The following MAP6 variants were observed in gnomAD, a reference collection of about 807,000 sequenced individuals.
MAP6 encodes microtubule associated protein 6.
MAP6 carries 26 observed loss-of-function variants against 42.4 expected under a neutral mutation model. The ratio of observed to expected loss-of-function variants is 0.61; its 90% CI spans 0.45 to 0.85. The LOEUF is 0.85. MAP6 is among the 40% of genes least tolerant of loss of function. MAP6 has a pLI of 0.00. For missense variants in MAP6, 966 were observed against 1,099.0 expected (o/e 0.88, Z 1.71); for synonymous variants, 418 against 443.8 (o/e 0.94, Z 0.73).
At chr11:75,655,431 GGTCCATATGATT>G (rs1357937138) in intron 1 of MAP6, among the ~76,000 whole-genome samples, 1 of 152,208 alleles carries the variant, frequency 6.6e-6, no homozygotes, top group African/African-American at 2.4e-5. Flanking sequence ...CACCTGCTGA[GGTCCATATGATT>G]TTAACGTGCA....
intron 3 of MAP6, chr11:75,604,155 G>C: frequency 1.0e-6 from 1 of 985,894 alleles, no homozygotes. Context: ...GAAGGTCGCA[G>C]TGGGCCTGAT....
intron 1 of MAP6, among the ~76,000 whole-genome samples, chr11:75,649,320 G>T (rs1943610966): frequency 6.6e-6 from 1 of 152,110 alleles, no homozygotes; most frequent in African/African-American, 2.4e-5. Context: ...CACAGTGTAG[G>T]ATGCCATGTC....
chr11:75,604,884 C>T (rs552199446), intron 3 of MAP6: 13 of 985,478 alleles, frequency 1.3e-5, no homozygotes, highest in Middle Eastern at 5.2e-4. Flanking sequence ...GAGTAAACAT[C>T]GCCACACTTG....
chr11:75,587,475 C>T lies in MAP6; in HGVS notation c.2026G>A (p.Val676Ile). Residue 676 changes from valine to isoleucine, a missense_variant, in exon 4 of 4, where the codon GTC (valine) becomes ATC (isoleucine). Coordinates refer to ENST00000304771, the MANE Select transcript of MAP6 (RefSeq NM_033063.2). ...TCTTGATCCTTGACTGGCCCTGAGACCACTAAACCTTGATTCTTTACAGGC... is the reference window on the plus strand; with the variant it reads ...TCTTGATCCTTGACTGGCCCTGAGATCACTAAACCTTGATTCTTTACAGGC... ...SEPVKNQGLV[V>I]SGPVKDQDVV... is the part of the protein sequence containing the mutation. The T allele has an allele frequency of 6.2e-7, 1 of 1,614,088 alleles. No homozygotes were observed. The highest frequency in any genetic ancestry group is 8.5e-7 in the Non-Finnish European group (1 of 1,179,998).
intron 1 of MAP6, among the ~76,000 whole-genome samples, chr11:75,631,440 ATTGCCCT>A (rs1050929224): frequency 3.3e-5 from 5 of 151,752 alleles, no homozygotes; most frequent in African/African-American, 1.2e-4. Flanking sequence ...TTTTTTCTTA[ATTGCCCT>A]TTGCCCTTTG....
At chr11:75,647,928 T>G (rs1943588889) in intron 1 of MAP6, among the ~76,000 whole-genome samples, 1 of 152,124 alleles carries the variant, frequency 6.6e-6, no homozygotes. Flanking sequence ...GACAAATAAG[T>G]GTGGCATTTT....
At position 75,595,144 on chromosome 11, in the gene MAP6, G is replaced by A. The variant is rs1018841523; in HGVS notation, c.1317-6960C>T. Among the ~76,000 whole-genome samples, 4 of 152,214 alleles carry A rather than the reference G, an allele frequency of 2.6e-5. No individual in the cohort carries two copies. The East Asian group carries it at 5.8e-4, about 22-fold the overall frequency. On this transcript the variant is annotated intron_variant, in intron 3 of 3. Transcript: ENST00000304771. ...GCAGGTGGCTGCCCAGCCGCTGCTC[G>A]CACTGCCTGGGGTGGGCTGCACATG...
intron 1 of MAP6, among the ~76,000 whole-genome samples, chr11:75,627,648 A>G (rs1167990740): frequency 6.6e-6 from 1 of 152,110 alleles, no homozygotes; most frequent in African/African-American, 2.4e-5. Flanking sequence ...TGGTTCCAGA[A>G]ACTGTATGAG....
At chr11:75,592,011 T>C (rs1942484712) in intron 3 of MAP6, among the ~76,000 whole-genome samples, 1 of 152,270 alleles carries the variant, frequency 6.6e-6, no homozygotes, top group Non-Finnish European at 1.5e-5. Context: ...TGTTGCCTTA[T>C]GTCATTCAAC....
chr11:75,648,767 T>C (rs1221606840), intron 1 of MAP6, among the ~76,000 whole-genome samples: 1 of 151,896 alleles, frequency 6.6e-6, no homozygotes, highest in Admixed American at 6.6e-5. Flanking sequence ...AATAGGACAA[T>C]GGGAAAGGGT....
Position 75,587,186 on chromosome 11 carries a change from C to A in MAP6, c.2315G>T (p.Gly772Val). ...PLVPVPAKDQ[G>V]PAVPEPLKTQ... The stretch of plus-strand genomic sequence containing the variant: ...CTTCAGAGGTTCAGGGACTGCAGGA[C>A]CTTGGTCCTTTGCTGGTACTGGCAC... Residue 772 changes from glycine (G) to valine (V), a missense_variant, in exon 4 of 4, where the codon GGT (glycine) becomes GTT (valine). Physicochemically the swap from Gly to Val is moderately radical, Grantham distance 109. Around this residue, in one of 2 missense-constraint regions of MAP6, gnomAD observed 943 missense variants for 1,049.9 expected, o/e 0.90. Transcript: ENST00000304771. 1 of 1,614,104 alleles carries A rather than the reference C, an allele frequency of 6.2e-7. No homozygotes were observed.
At chr11:75,599,782 G>T (rs12576901) in intron 3 of MAP6, among the ~76,000 whole-genome samples, 2,223 of 152,272 alleles carry the variant, frequency 0.015, 67 homozygotes, top group East Asian at 0.13. Flanking sequence ...TAGACAGCAG[G>T]CTATGGAGCT....
intron 1 of MAP6, among the ~76,000 whole-genome samples, chr11:75,662,782 G>A (rs1003525180): frequency 3.3e-5 from 5 of 152,158 alleles, no homozygotes; most frequent in African/African-American, 4.8e-5. Flanking sequence ...AATGAAATCA[G>A]ATTTTCTAGG....
At chr11:75,662,960 T>A (rs1318011681) in intron 1 of MAP6, among the ~76,000 whole-genome samples, 1 of 142,834 alleles carries the variant, frequency 7.0e-6, no homozygotes, top group Non-Finnish European at 1.5e-5. Context: ...GTAGGATTTG[T>A]ACTTTTTTTT....
At chr11:75,659,717 T>C (rs1038678416) in intron 1 of MAP6, among the ~76,000 whole-genome samples, 2 of 152,240 alleles carry the variant, frequency 1.3e-5, no homozygotes, top group African/African-American at 2.4e-5. Flanking sequence ...TTTACATTAA[T>C]ACAGTTGACA....
chr11:75,663,496 AT>A (rs1943891418), intron 1 of MAP6, among the ~76,000 whole-genome samples: 1 of 152,218 alleles, frequency 6.6e-6, no homozygotes, highest in African/African-American at 2.4e-5. Flanking sequence ...CAACAAATCT[AT>A]ATGGCACCTA....
At chr11:75,641,803 T>C (rs1249142718) in intron 1 of MAP6, among the ~76,000 whole-genome samples, 1 of 152,218 alleles carries the variant, frequency 6.6e-6, no homozygotes, top group Non-Finnish European at 1.5e-5. Flanking sequence ...CTGCCTGAGA[T>C]GCCACGCTCT....
intron 3 of MAP6, among the ~76,000 whole-genome samples, chr11:75,595,461 G>A (rs2135575402): frequency 6.6e-6 from 1 of 152,292 alleles, no homozygotes; most frequent in Non-Finnish European, 1.5e-5. Context: ...ATGTGTCTCA[G>A]TTGGCTCTGT....
chr11:75,601,773 C>T (rs1942667189), intron 3 of MAP6, among the ~76,000 whole-genome samples: 1 of 151,644 alleles, frequency 6.6e-6, no homozygotes, highest in East Asian at 1.9e-4. Context: ...GTGCCATGAC[C>T]CTCCCAAGGG....
Sources: gnomAD v4.1 joint callset for allele counts (sites outside exome capture counted in the v4.1 genomes callset) on GRCh38, gnomAD v4.1.1 for gene constraint, gnomAD v4.1.1 regional missense constraint, MANE v1.5 for transcripts, NCBI Gene and HGNC (gene_info 2026-07-23, HGNC 2026-07-21) for gene names.